The following SEMA4D variants were observed in gnomAD, a reference collection of about 807,000 sequenced individuals.
SEMA4D encodes the protein semaphorin 4D.
A neutral mutation model predicts 74.8 loss-of-function variants in SEMA4D; 22 were observed. The ratio of observed to expected loss-of-function variants is 0.29; its 90% CI spans 0.21 to 0.42. The LOEUF (loss-of-function observed/expected upper bound fraction) is 0.42, where lower values mean the gene tolerates loss of function less well. Among genes scored for constraint, SEMA4D ranks in the 10% least tolerant of loss-of-function variants. SEMA4D has a pLI of 1.00. For missense variants in SEMA4D, 937 were observed against 1,118.4 expected, an observed-to-expected ratio of 0.84 and a Z score of 2.31; for synonymous variants, 445 against 463.7, an observed-to-expected ratio of 0.96 and a Z score of 0.52.
rs117903958 is a variant in SEMA4D, at chr9:89,461,067, T to C, written c.-309-5114A>G. ...ACTCATGAAGCCCCAAGGTCTCTTTTCTAAGATCACTGCAAACTGCAACTG... is the reference window on the plus strand; with the variant it reads ...ACTCATGAAGCCCCAAGGTCTCTTTCCTAAGATCACTGCAAACTGCAACTG... On this transcript the variant is annotated intron_variant, in intron 1 of 15. Coordinates refer to ENST00000422704, the MANE Select transcript of SEMA4D (RefSeq NM_001371194.2). Among the ~76,000 whole-genome samples the C allele has an allele frequency of 1.5e-3, 235 of 152,288 alleles. 1 individual carries two copies. The highest frequency in any genetic ancestry group is 2.9e-3 in the Non-Finnish European group (196 of 68,032).
At chr9:89,497,224 T>C (rs1588216253) in intron 1 of SEMA4D, among the ~76,000 whole-genome samples, 1 of 152,350 alleles carries the variant, frequency 6.6e-6, no homozygotes, top group African/African-American at 2.4e-5. Context: ...TGCAGCTCAC[T>C]AGGCGGCTGC....
intron 2 of SEMA4D, among the ~76,000 whole-genome samples, chr9:89,453,889 G>C (rs1855264531): frequency 8.0e-6 from 1 of 125,410 alleles, no homozygotes; most frequent in African/African-American, 3.0e-5. Flanking sequence ...ATGGAGTCTT[G>C]CTCTGTCGCC....
intron 1 of SEMA4D, among the ~76,000 whole-genome samples, chr9:89,482,052 C>T (rs1203399548): frequency 6.6e-6 from 1 of 152,228 alleles, no homozygotes; most frequent in Non-Finnish European, 1.5e-5. Flanking sequence ...GGGGTCACCG[C>T]CCAGACGGGT....
intron 2 of SEMA4D, among the ~76,000 whole-genome samples, chr9:89,434,062 C>A (rs1196939917): frequency 6.6e-6 from 1 of 152,204 alleles, no homozygotes; most frequent in Admixed American, 6.5e-5. Context: ...ACATGGAGCA[C>A]ACCAGGAATG....
chr9:89,405,901 C>T (rs1843217822), intron 2 of SEMA4D: 2 of 1,206,234 alleles, frequency 1.7e-6, no homozygotes, highest in Admixed American at 8.6e-5. Flanking sequence ...CTTCAGGAGT[C>T]AGTGCTTCCC....
At chr9:89,422,442 G>A (rs1011466414) in intron 2 of SEMA4D, among the ~76,000 whole-genome samples, 3 of 152,244 alleles carry the variant, frequency 2.0e-5, no homozygotes, top group Non-Finnish European at 4.4e-5. Flanking sequence ...AAGTGGGACA[G>A]GCAGGCTGGG....
intron 1 of SEMA4D, chr9:89,479,585 G>T: frequency 5.7e-6 from 1 of 176,516 alleles, no homozygotes; most frequent in South Asian, 1.5e-4. Context: ...GGCGCGTCTG[G>T]AGTCTGTCCC....
intron 2 of SEMA4D, among the ~76,000 whole-genome samples, chr9:89,455,629 T>C (rs1463449215): frequency 6.6e-6 from 1 of 152,148 alleles, no homozygotes; most frequent in South Asian, 2.1e-4. Flanking sequence ...GCCTCGCTCA[T>C]TGCCTCCCCT....
intron 1 of SEMA4D, among the ~76,000 whole-genome samples, chr9:89,473,479 T>TC (rs1459324915): frequency 6.6e-6 from 1 of 152,036 alleles, no homozygotes; most frequent in Admixed American, 6.5e-5. Context: ...ACACCTGTGG[T>TC]CCCAGCTACT....
At chr9:89,456,762 T>C (rs1856032480) in intron 1 of SEMA4D, among the ~76,000 whole-genome samples, 1 of 152,190 alleles carries the variant, frequency 6.6e-6, no homozygotes, top group Admixed American at 6.5e-5. Context: ...GATTTTTGTA[T>C]CTTTTTTAGT....
chr9:89,385,866 G>GGGGGGGGCCCCCCCCCCCCC, intron 13 of SEMA4D: 1 of 196,226 alleles, frequency 5.1e-6, no homozygotes. Flanking sequence ...CAGCGTGGAT[G>GGGGGGGGCCCCCCCCCCCCC]CCCGCCCACC....
intron 2 of SEMA4D, among the ~76,000 whole-genome samples, chr9:89,435,807 C>T (rs1299129815): frequency 1.3e-5 from 2 of 152,208 alleles, no homozygotes; most frequent in African/African-American, 2.4e-5. Flanking sequence ...GTTGCATGTC[C>T]GGCCTTTCCT....
chr9:89,403,486 A>G (rs1397934352), intron 3 of SEMA4D, among the ~76,000 whole-genome samples: 2 of 152,222 alleles, frequency 1.3e-5, no homozygotes, highest in Non-Finnish European at 2.9e-5. Flanking sequence ...TTACTTCAAA[A>G]TCTTCACAAA....
At chr9:89,370,689 G>A (rs1834449086) in intron 16 of SEMA4D, among the ~76,000 whole-genome samples, 2 of 150,204 alleles carry the variant, frequency 1.3e-5, no homozygotes, top group Non-Finnish European at 3.0e-5. Flanking sequence ...TGTGTGTCTG[G>A]TGTGTGGTAT....
intron 2 of SEMA4D, among the ~76,000 whole-genome samples, chr9:89,438,964 CTTTTTTTTTTTTTTTT>C (rs57394947): frequency 7.3e-4 from 28 of 38,212 alleles, no homozygotes; most frequent in Non-Finnish European, 9.2e-4. Context: ...CGCACCGGGC[CTTTTTTTTTTTTTTTT>C]TTTTTTTTTT....
intron 2 of SEMA4D, chr9:89,405,906 C>A: frequency 8.3e-7 from 1 of 1,200,704 alleles, no homozygotes. Context: ...GGAGTCAGTG[C>A]TTCCCGCTCC....
intron 2 of SEMA4D, among the ~76,000 whole-genome samples, chr9:89,452,181 T>C (rs1405453444): frequency 1.5e-5 from 1 of 68,674 alleles, no homozygotes; most frequent in Non-Finnish European, 2.9e-5. Context: ...TGGTTTTTTT[T>C]GTTTTTTTTT....
intron 1 of SEMA4D, among the ~76,000 whole-genome samples, chr9:89,482,658 C>T (rs1228307247): frequency 6.6e-6 from 1 of 152,176 alleles, no homozygotes; most frequent in Admixed American, 6.5e-5. Flanking sequence ...AGTGTTTTTC[C>T]GTCTGTAGCA....
intron 4 of SEMA4D, 55 bp downstream of exon 4, chr9:89,402,816 G>C (rs964552329): frequency 1.3e-6 from 2 of 1,576,998 alleles, no homozygotes; most frequent in African/African-American, 2.7e-5. Flanking sequence ...GGGGCCAGGA[G>C]AGGCTGCCCA....
Sources: gnomAD v4.1 joint callset for allele counts (sites outside exome capture counted in the v4.1 genomes callset) on GRCh38, gnomAD v4.1.1 for gene constraint, MANE v1.5 for transcripts, NCBI Gene and HGNC (gene_info 2026-07-23, HGNC 2026-07-21) for gene names.